Variants in SYT14 observed in about 807,000 individuals in gnomAD.
The protein encoded by SYT14 is synaptotagmin 14.
SYT14 carries 32 observed loss-of-function variants against 74.2 expected under a neutral mutation model. The ratio of observed to expected loss-of-function variants is 0.43; its 90% CI spans 0.33 to 0.58. The LOEUF (loss-of-function observed/expected upper bound fraction) is 0.58, where lower values mean the gene tolerates loss of function less well. SYT14 is among the 20% of genes least tolerant of loss of function. The pLI is 0.05. For synonymous variants in SYT14, 298 were observed against 337.7 expected (o/e 0.88, Z 1.29); for missense variants, 791 against 981.8 (o/e 0.81, Z 2.60).
At chr1:210,029,616 C>T (rs2102986340) in intron 5 of SYT14, among the ~76,000 whole-genome samples, 1 of 152,206 alleles carries the variant, frequency 6.6e-6, no homozygotes, top group South Asian at 2.1e-4. Flanking sequence ...TTCCATTGGT[C>T]TATATGTTTG....
chr1:210,050,710 CAA>C (rs1182524275), intron 5 of SYT14, among the ~76,000 whole-genome samples: 2 of 152,148 alleles, frequency 1.3e-5, no homozygotes, highest in Non-Finnish European at 2.9e-5. Context: ...TGGTGGCAGA[CAA>C]GAGAAGAGAG....
In SYT14 at chr1:210,011,076, A is replaced by G. The variant is rs546998370; in HGVS notation, c.-485-2557A>G. Reference sequence around the variant, plus strand: ...AAGACATGGGAGATTTTCAGTCTGCATGATATCTAATCCTTTGTAGCCACT... The same window carrying G: ...AAGACATGGGAGATTTTCAGTCTGCGTGATATCTAATCCTTTGTAGCCACT... On this transcript the variant is annotated intron_variant, in intron 2 of 9. Transcript: ENST00000637265. Among the ~76,000 whole-genome samples the G allele has an allele frequency of 5.9e-5, 9 of 152,318 alleles. No individual in the cohort carries two copies. The East Asian group carries it at 1.3e-3, about 23-fold the overall frequency.
rs77670516 is a variant in SYT14, at chr1:210,022,062, C to G, written c.1312+808C>G. Among the ~76,000 whole-genome samples the G allele has an allele frequency of 7.2e-5, 11 of 151,942 alleles. 1 individual carries two copies. Among genetic ancestry groups the G allele is most frequent in the Admixed American group, 1.3e-4 (2 of 15,250 alleles). On this transcript the variant is annotated intron_variant, in intron 5 of 9. Coordinates refer to ENST00000637265, the Ensembl canonical transcript of SYT14. ...CTCATCATGATTATTATCTTTATACCCAGATATGAGGGACAGAATAATATA... is the reference window on the plus strand; with the variant it reads ...CTCATCATGATTATTATCTTTATACGCAGATATGAGGGACAGAATAATATA...
chr1:210,070,685 AG>A (rs2081375967), intron 5 of SYT14, among the ~76,000 whole-genome samples: 1 of 152,112 alleles, frequency 6.6e-6, no homozygotes, highest in African/African-American at 2.4e-5. Flanking sequence ...TGGGAAAGAC[AG>A]GTACACTTGG....
intron 2 of SYT14, 102 bp from the exon 3 acceptor site, chr1:210,013,531 A>G (rs1355408783): frequency 3.5e-6 from 4 of 1,147,834 alleles, no homozygotes; most frequent in Non-Finnish European, 3.8e-6. Flanking sequence ...AAAAAATATA[A>G]TTCAAATAAG....
chr1:210,108,363 G>A (rs2082197186), intron 7 of SYT14, among the ~76,000 whole-genome samples: 1 of 152,200 alleles, frequency 6.6e-6, no homozygotes, highest in Admixed American at 6.5e-5. Flanking sequence ...GTTGATGATG[G>A]AAAGAATAAT....
chr1:210,005,488 T>C (rs765985220), intron 2 of SYT14, among the ~76,000 whole-genome samples: 23 of 151,794 alleles, frequency 1.5e-4, no homozygotes, highest in Non-Finnish European at 7.4e-5. Flanking sequence ...AAAGAAAGAA[T>C]CATTGAAAAA....
chr1:209,996,541 G>A (rs1023745889), intron 2 of SYT14, among the ~76,000 whole-genome samples: 1 of 151,982 alleles, frequency 6.6e-6, no homozygotes, highest in Admixed American at 6.6e-5. Context: ...GAGAAAAACT[G>A]GTGCCAATCC....
At chr1:210,132,817 C>T (rs1012682539) in intron 7 of SYT14, among the ~76,000 whole-genome samples, 1 of 152,138 alleles carries the variant, frequency 6.6e-6, no homozygotes, top group African/African-American at 2.4e-5. Context: ...CCTAGCCTCT[C>T]TTCTGGATTC....
chr1:210,034,713 T>C (rs846552), intron 5 of SYT14, among the ~76,000 whole-genome samples: 51,924 of 151,550 alleles, frequency 0.34, 9,861 homozygotes, highest in Non-Finnish European at 0.42. Context: ...CACTTAAAAG[T>C]GGGATCATGC....
intron 2 of SYT14, chr1:209,953,157 A>G (rs1285791048): frequency 5.4e-6 from 7 of 1,289,754 alleles, no homozygotes; most frequent in African/African-American, 1.5e-5. Context: ...AATCGGGAAC[A>G]TATCCAAAGA....
At chr1:210,078,242 A>G (rs2473072) in intron 5 of SYT14, among the ~76,000 whole-genome samples, 81,766 of 144,800 alleles carry the variant, frequency 0.56, 24,872 homozygotes, top group African/African-American at 0.81. Context: ...CCCGGGAGGC[A>G]GAGCTTGCAG....
chr1:210,128,009 A>C (rs538446180), intron 7 of SYT14, among the ~76,000 whole-genome samples: 120 of 152,236 alleles, frequency 7.9e-4, no homozygotes, highest in East Asian at 6.0e-3. Flanking sequence ...CAGCCTGGGC[A>C]AAAAGAGAAA....
At chr1:210,165,950 A>G (rs1395136950) in exon 10 of SYT14, 1 of 152,260 alleles carries the variant, frequency 6.6e-6, no homozygotes, top group African/African-American at 2.4e-5. Context: ...AGTGCTACAG[A>G]TGCAGAGATA....
chr1:209,975,855 C>G (rs1373643709), intron 2 of SYT14, among the ~76,000 whole-genome samples: 1 of 152,140 alleles, frequency 6.6e-6, no homozygotes, highest in Non-Finnish European at 1.5e-5. Context: ...GGTTGGTAAG[C>G]TATTAATTAT....
At chr1:210,056,456 C>T (rs1558158226) in intron 5 of SYT14, among the ~76,000 whole-genome samples, 1 of 151,932 alleles carries the variant, frequency 6.6e-6, no homozygotes, top group Non-Finnish European at 1.5e-5. Flanking sequence ...GCTCGAGCTC[C>T]TTATTTCTTC....
chr1:210,027,177 G>A (rs2080430783), intron 5 of SYT14, among the ~76,000 whole-genome samples: 1 of 152,042 alleles, frequency 6.6e-6, no homozygotes. Context: ...AAGTAAGCTA[G>A]AAAAAAGAAA....
intron 5 of SYT14, among the ~76,000 whole-genome samples, chr1:210,037,119 G>C (rs2080681435): frequency 6.6e-6 from 1 of 151,956 alleles, no homozygotes; most frequent in Non-Finnish European, 1.5e-5. Flanking sequence ...CTCATTATTG[G>C]TCTGTTCAGA....
chr1:210,021,445 C>T (rs2080301330), intron 5 of SYT14, among the ~76,000 whole-genome samples, 191 bp downstream of exon 4: 1 of 152,182 alleles, frequency 6.6e-6, no homozygotes, highest in South Asian at 2.1e-4. Flanking sequence ...AATACCAAAA[C>T]ACCCCAAAGC....
Sources: allele counts gnomAD v4.1 joint callset (sites outside exome capture counted in the v4.1 genomes callset), GRCh38; gene constraint gnomAD v4.1.1; transcripts MANE v1.5; gene names NCBI Gene and HGNC (gene_info 2026-07-23, HGNC 2026-07-21).